PTPN14: variants seen among roughly 807,000 people sequenced by gnomAD.
PTPN14 encodes tyrosine-protein phosphatase non-receptor type 14.
Under a neutral mutation model 126.8 loss-of-function variants are expected in PTPN14, and 53 were observed. That is an observed-to-expected ratio of 0.42 (90% confidence interval 0.34 to 0.53). The LOEUF (loss-of-function observed/expected upper bound fraction) is 0.53. Among genes scored for constraint, PTPN14 ranks in the 20% least tolerant of loss-of-function variants. The pLI is 0.08. For synonymous variants in PTPN14, 630 were observed against 599.3 expected (o/e 1.05, Z -0.75); for missense variants, 1,257 against 1,552.9 (o/e 0.81, Z 3.20).
chr1:214,374,781 A>C (rs1215981291), intron 15 of PTPN14, among the ~76,000 whole-genome samples: 3 of 152,244 alleles, frequency 2.0e-5, no homozygotes, highest in Non-Finnish European at 2.9e-5. Context: ...CTCGGTTAAC[A>C]ATGCCCGATG....
chr1:214,367,972 T>C (rs2102515137), intron 17 of PTPN14, among the ~76,000 whole-genome samples: 1 of 152,292 alleles, frequency 6.6e-6, no homozygotes, highest in East Asian at 1.9e-4. Flanking sequence ...GGTGAATTAG[T>C]TTCTAATATA....
At chr1:214,457,026 A>AC (rs1660399159) in intron 2 of PTPN14, among the ~76,000 whole-genome samples, 1 of 152,152 alleles carries the variant, frequency 6.6e-6, no homozygotes, top group African/African-American at 2.4e-5. Flanking sequence ...TTAATTGAGT[A>AC]CCCCCCAAAT....
intron 1 of PTPN14, among the ~76,000 whole-genome samples, chr1:214,520,905 G>A (rs1655238843): frequency 6.6e-6 from 1 of 151,986 alleles, no homozygotes; most frequent in African/African-American, 2.4e-5. Flanking sequence ...GGACTAAATT[G>A]TTATTTACCC....
At chr1:214,413,436 G>T (rs1192512499) in intron 4 of PTPN14, among the ~76,000 whole-genome samples, 1 of 152,162 alleles carries the variant, frequency 6.6e-6, no homozygotes, top group African/African-American at 2.4e-5. Context: ...GAATGAAAGA[G>T]GTCAGGAGAA....
chr1:214,452,480 T>C (rs760936984), intron 2 of PTPN14, among the ~76,000 whole-genome samples: 8 of 152,218 alleles, frequency 5.3e-5, no homozygotes, highest in Non-Finnish European at 2.9e-5. Flanking sequence ...ACGGAGAATT[T>C]ATTCACTCTT....
At chr1:214,550,527 T>TG (rs1443210096) in intron 1 of PTPN14, among the ~76,000 whole-genome samples, 2 of 152,190 alleles carry the variant, frequency 1.3e-5, no homozygotes, top group Non-Finnish European at 2.9e-5. Context: ...ACCTGAGATC[T>TG]GGGGGTCACG....
chr1:214,507,703 G>A (rs976670845), intron 1 of PTPN14, among the ~76,000 whole-genome samples: 4 of 152,112 alleles, frequency 2.6e-5, no homozygotes, highest in East Asian at 3.9e-4. Flanking sequence ...ATACCACTGC[G>A]ATAAAACGAA....
intron 3 of PTPN14, among the ~76,000 whole-genome samples, chr1:214,447,981 A>C (rs953847951): frequency 2.6e-5 from 4 of 152,218 alleles, no homozygotes; most frequent in African/African-American, 7.2e-5. Context: ...AGAAATTCTA[A>C]AGAAAAAAGA....
At chr1:214,432,860 T>C (rs564238408) in intron 3 of PTPN14, among the ~76,000 whole-genome samples, 1 of 152,346 alleles carries the variant, frequency 6.6e-6, no homozygotes, top group East Asian at 1.9e-4. Flanking sequence ...GCTCTGATTC[T>C]TGAACTAGTG....
chr1:214,459,299 T>C (rs187792380), intron 2 of PTPN14, among the ~76,000 whole-genome samples: 30 of 151,896 alleles, frequency 2.0e-4, no homozygotes, highest in African/African-American at 7.0e-4. Context: ...ATTACAGGCA[T>C]GCACCACCTT....
chr1:214,364,689 T>C lies in PTPN14; in HGVS notation c.3272-14A>G, dbSNP rs1217238066. 1.9e-6 allele frequency: 3 copies of C among 1,604,278 alleles called. No homozygotes were observed. The highest frequency in any genetic ancestry group is 2.6e-6 in the Non-Finnish European group (3 of 1,175,518). On this transcript the variant is annotated splice_polypyrimidine_tract_variant and intron_variant, in intron 17 of 18. Transcript: ENST00000366956. This position sits in a 1 kb window ranked among gnomAD's most constrained non-coding sequence, Gnocchi z 4.1. ...CCTCCAAGTAGGCTGCAGGACAAAA[T>C]GCAAATTCTGTCACCAAAGTCCTCC...
At chr1:214,419,960 C>T (rs1320866941) in intron 3 of PTPN14, among the ~76,000 whole-genome samples, 1 of 152,164 alleles carries the variant, frequency 6.6e-6, no homozygotes, top group South Asian at 2.1e-4. Context: ...CCTCTATCCT[C>T]AAAACTCTTG....
chr1:214,455,466 C>T (rs1386461731), intron 2 of PTPN14, among the ~76,000 whole-genome samples: 3 of 152,264 alleles, frequency 2.0e-5, no homozygotes, highest in African/African-American at 7.2e-5. Context: ...TCATTTAATC[C>T]TCATGATACC....
chr1:214,353,881 A>AG lies in PTPN14; in HGVS notation c.*4040dup, dbSNP rs1232866658. 6.6e-6 allele frequency: 1 copy of AG among 152,270 alleles called. No individual in the cohort carries two copies. The highest frequency in any genetic ancestry group is 1.5e-5 in the Non-Finnish European group (1 of 68,070). The allele number at this position is 152,270 out of a possible 1,614,324, so 9.4% of individuals were successfully genotyped here. On this transcript the variant is annotated 3_prime_UTR_variant, in exon 19 of 19. Transcript: ENST00000366956. ...CTGGTGTTGGGACCCACAGTGTATC[A>AG]GGGGGAAGATATAGGTGATCCATGC...
chr1:214,379,126 G>A (rs1484775024), intron 13 of PTPN14, among the ~76,000 whole-genome samples: 1 of 152,276 alleles, frequency 6.6e-6, no homozygotes, highest in East Asian at 1.9e-4. Context: ...GTTAAGGGAA[G>A]AACACAGGCA....
chr1:214,526,008 C>A (rs1184253819), intron 1 of PTPN14, among the ~76,000 whole-genome samples: 1 of 149,966 alleles, frequency 6.7e-6, no homozygotes, highest in East Asian at 2.0e-4. Context: ...CGCTGTCACC[C>A]AGGCTGGAGT....
At chr1:214,381,162 G>A (rs1373441390) in intron 13 of PTPN14, among the ~76,000 whole-genome samples, 3 of 152,198 alleles carry the variant, frequency 2.0e-5, no homozygotes, top group Non-Finnish European at 4.4e-5. Flanking sequence ...GGAGACCCAT[G>A]CCAAGATTTT....
intron 18 of PTPN14, 82 bp from the exon 19 acceptor site, chr1:214,358,132 A>G: frequency 6.6e-7 from 1 of 1,513,976 alleles, no homozygotes; most frequent in Non-Finnish European, 9.0e-7. Context: ...TTCAGGAAGC[A>G]CTCACCCACT....
intron 7 of PTPN14, among the ~76,000 whole-genome samples, chr1:214,400,997 G>A (rs1217500155): frequency 6.6e-6 from 1 of 152,182 alleles, no homozygotes; most frequent in African/African-American, 2.4e-5. Context: ...AAATGTGCCA[G>A]TTGCTTTAGG....
Sources: allele counts gnomAD v4.1 joint callset (sites outside exome capture counted in the v4.1 genomes callset), GRCh38; gene constraint gnomAD v4.1.1; non-coding constraint Gnocchi (gnomAD v3.1); transcripts MANE v1.5; gene names NCBI Gene and HGNC (gene_info 2026-07-23, HGNC 2026-07-21).